HMCN1: variants seen among roughly 807,000 people sequenced by gnomAD.
The protein encoded by HMCN1 is hemicentin-1.
Under a neutral mutation model 625.9 loss-of-function variants are expected in HMCN1, and 321 were observed. The ratio of observed to expected loss-of-function variants is 0.51; its 90% CI spans 0.47 to 0.56. The LOEUF (loss-of-function observed/expected upper bound fraction) is 0.56. HMCN1 is among the 20% of genes least tolerant of loss of function. HMCN1 has a pLI of 0.00. For synonymous variants in HMCN1, 2,425 were observed against 2,417.6 expected (o/e 1.00, Z -0.09); for missense variants, 6,588 against 6,887.3 (o/e 0.96, Z 1.54).
chr1:185,839,055 G>C (rs1265521648), intron 1 of HMCN1, among the ~76,000 whole-genome samples: 1 of 152,126 alleles, frequency 6.6e-6, no homozygotes, highest in Non-Finnish European at 1.5e-5. Context: ...TTTGGTTGTT[G>C]TGGAAACAAT....
intron 4 of HMCN1, among the ~76,000 whole-genome samples, chr1:185,893,058 A>G (rs58063730): frequency 0.071 from 10,793 of 152,168 alleles, 1,338 homozygotes; most frequent in African/African-American, 0.25. Context: ...ATTCGGGTGC[A>G]AGTGACCCGA....
chr1:186,033,314 A>G (rs1655597748), intron 36 of HMCN1, among the ~76,000 whole-genome samples: 1 of 152,164 alleles, frequency 6.6e-6, no homozygotes, highest in South Asian at 2.1e-4. Flanking sequence ...ATGAGGGATG[A>G]GGGATAAAAA....
In HMCN1 at chr1:186,177,028, GGC is replaced by G. The variant is rs1211195239; in HGVS notation, c.15944-1386_15944-1385del. 11 of 147,024 alleles carry G rather than the reference GGC, an allele frequency of 7.5e-5. 3 individuals carry two copies. Among genetic ancestry groups the G allele is most frequent in the African/African-American group, 3.0e-4 (11 of 37,010 alleles). 9.1% of individuals were successfully genotyped at this position (147,024 alleles called of 1,614,324 possible). ...TCAAAAATACAAAAAAGATTAGCTG[GGC>G]GTGGTGGGACACACCTGTAATCCCA... On this transcript the variant is annotated intron_variant, in intron 103 of 106. Coordinates refer to ENST00000271588, the MANE Select transcript of HMCN1 (RefSeq NM_031935.3).
At chr1:185,937,527 TC>T (rs1667869434) in intron 11 of HMCN1, among the ~76,000 whole-genome samples, 1 of 152,108 alleles carries the variant, frequency 6.6e-6, no homozygotes, top group African/African-American at 2.4e-5. Flanking sequence ...GCACACAAAT[TC>T]AGGGAGACAC....
chr1:185,752,786 G>T (rs1373094476), intron 1 of HMCN1, among the ~76,000 whole-genome samples: 1 of 152,058 alleles, frequency 6.6e-6, no homozygotes, highest in African/African-American at 2.4e-5. Flanking sequence ...AATTATAATT[G>T]TACCAAACTA....
At chr1:185,965,989 A>C in intron 14 of HMCN1, 74 bp downstream of exon 14, 1 of 1,000,848 alleles carries the variant, frequency 1.0e-6, no homozygotes, top group Admixed American at 1.7e-5. Context: ...ATTTGTTAAA[A>C]CTTTGTTTTG....
At chr1:185,951,619 T>C (rs1016398985) in intron 11 of HMCN1, among the ~76,000 whole-genome samples, 4 of 151,422 alleles carry the variant, frequency 2.6e-5, no homozygotes, top group Non-Finnish European at 5.9e-5. Context: ...TGGGCCAGAG[T>C]TCCAGGGGCT....
At position 186,116,960 on chromosome 1, in the gene HMCN1, T is replaced by C. The variant is rs767695768; in HGVS notation, c.11562-34T>C. The C allele has an allele frequency of 1.9e-6, 3 of 1,609,926 alleles. No individual in the cohort carries two copies. In the South Asian group the frequency reaches 3.3e-5, roughly 18 times the overall value. On this transcript the variant is annotated intron_variant, in intron 75 of 106. Coordinates refer to ENST00000271588, the MANE Select transcript of HMCN1 (RefSeq NM_031935.3). ...CTGGGAAAATTTATGAAAACCTACA[T>C]ATAGTATCTCATGCTTTGAAATGTG...
intron 1 of HMCN1, among the ~76,000 whole-genome samples, chr1:185,836,747 C>A (rs924180955): frequency 1.5e-4 from 23 of 151,910 alleles, no homozygotes; most frequent in African/African-American, 5.3e-4. Context: ...AAGCATAGTA[C>A]CCAACAGGTA....
At chr1:186,123,250 C>G (rs368696940) in intron 81 of HMCN1, 30 bp downstream of exon 81, 3 of 1,601,344 alleles carry the variant, frequency 1.9e-6, no homozygotes, top group Non-Finnish European at 8.5e-7. Context: ...TTATTTTAGT[C>G]TGCTGCACTA....
At chr1:185,930,271 A>G (rs1428463556) in intron 10 of HMCN1, among the ~76,000 whole-genome samples, 1 of 152,210 alleles carries the variant, frequency 6.6e-6, no homozygotes, top group East Asian at 1.9e-4. Flanking sequence ...GGCAATGACT[A>G]TAACAGCAGA....
At chr1:186,073,381 A>C (rs2102351130) in intron 52 of HMCN1, among the ~76,000 whole-genome samples, 1 of 152,290 alleles carries the variant, frequency 6.6e-6, no homozygotes, top group East Asian at 1.9e-4. Flanking sequence ...ACTGAAGGAA[A>C]GTAATTGGAG....
chr1:185,841,838 A>C (rs1661496141), intron 1 of HMCN1, among the ~76,000 whole-genome samples: 1 of 152,210 alleles, frequency 6.6e-6, no homozygotes, highest in Non-Finnish European at 1.5e-5. Flanking sequence ...ATAAGGCTTC[A>C]AGTGGATCAG....
chr1:185,821,703 G>A (rs892494317), intron 1 of HMCN1, among the ~76,000 whole-genome samples: 2 of 151,408 alleles, frequency 1.3e-5, no homozygotes, highest in African/African-American at 4.9e-5. Context: ...AGCCAAGGAA[G>A]ACTTTAGAGC....
intron 66 of HMCN1, 117 bp from the exon 67 acceptor site, chr1:186,094,159 T>C (rs565099681): frequency 3.7e-6 from 3 of 819,642 alleles, no homozygotes; most frequent in Non-Finnish European, 6.2e-6. Flanking sequence ...ATAAGCTTCA[T>C]AATTAAAATT....
chr1:185,948,882 G>A (rs1168528808), intron 11 of HMCN1, among the ~76,000 whole-genome samples: 2 of 151,890 alleles, frequency 1.3e-5, no homozygotes, highest in Admixed American at 6.6e-5. Flanking sequence ...GGAACCTAGA[G>A]TGGGAGAGAT....
intron 29 of HMCN1, among the ~76,000 whole-genome samples, chr1:186,004,260 C>T (rs947404887): frequency 1.3e-5 from 2 of 152,124 alleles, no homozygotes; most frequent in Non-Finnish European, 1.5e-5. Context: ...AGATATTTCT[C>T]CAACTCCAGA....
chr1:186,039,121 G>A (rs1336992577), intron 38 of HMCN1, 116 bp downstream of exon 38: 2 of 784,508 alleles, frequency 2.5e-6, no homozygotes, highest in South Asian at 1.4e-5. Context: ...TCATCTTTAT[G>A]TAAGGGCACA....
intron 4 of HMCN1, among the ~76,000 whole-genome samples, chr1:185,887,649 A>G (rs2102403841): frequency 6.8e-6 from 1 of 147,650 alleles, no homozygotes. Flanking sequence ...ATCATTTTTT[A>G]TGACTGCATA....
Sources: gnomAD v4.1 joint callset for allele counts (sites outside exome capture counted in the v4.1 genomes callset) on GRCh38, gnomAD v4.1.1 for gene constraint, MANE v1.5 for transcripts, NCBI Gene and HGNC (gene_info 2026-07-23, HGNC 2026-07-21) for gene names.